SEC16A: variants seen among roughly 807,000 people sequenced by gnomAD.
SEC16A encodes protein transport protein Sec16A.
A neutral mutation model predicts 221.9 loss-of-function variants in SEC16A; 110 were observed. That is an observed-to-expected ratio of 0.50 (90% CI 0.42 to 0.58). The LOEUF (loss-of-function observed/expected upper bound fraction) is 0.58, where lower values mean the gene tolerates loss of function less well. Among genes scored for constraint, SEC16A ranks in the 20% least tolerant of loss-of-function variants. SEC16A has a pLI of 0.00. For missense variants in SEC16A, 3,165 were observed against 3,097.8 expected (o/e 1.02, Z -0.52); for synonymous variants, 1,393 against 1,257.7 (o/e 1.11, Z -2.28).
chr9:136,450,459 G>A (rs369588646), intron 23 of SEC16A, among the ~76,000 whole-genome samples: 20 of 151,574 alleles, frequency 1.3e-4, no homozygotes, highest in Non-Finnish European at 1.5e-5. Flanking sequence ...CTGGGCAATA[G>A]TGAGACCCCA....
chr9:136,479,359 AT>A (rs36126121), intron 1 of SEC16A, among the ~76,000 whole-genome samples: 87 of 147,870 alleles, frequency 5.9e-4, no homozygotes, highest in African/African-American at 8.6e-4. Flanking sequence ...TAATCCACAC[AT>A]TTTTTTTTTT....
At chr9:136,451,474 G>A in intron 22 of SEC16A, 66 bp from the exon 23 acceptor site, 1 of 1,481,048 alleles carries the variant, frequency 6.8e-7, no homozygotes, top group Non-Finnish European at 9.0e-7. Context: ...GAGAGAGGGG[G>A]ATGCAATTCC....
rs772487813 is a variant in SEC16A at position 136,455,802 on chromosome 9, G to A, written c.5665-9C>T. On this transcript the variant is annotated splice_polypyrimidine_tract_variant and intron_variant, in intron 19 of 31. Transcript: ENST00000684901. Reference sequence around the variant, plus strand: ...CATACTCCAGCCCCCTCCTGAGGGAGAACAAGACCTGCCCTGTGGAAGCCG... The same window carrying A: ...CATACTCCAGCCCCCTCCTGAGGGAAAACAAGACCTGCCCTGTGGAAGCCG... 1.9e-6 allele frequency: 3 copies of A among 1,588,724 alleles called. No homozygotes were observed. Among genetic ancestry groups the A allele is most frequent in the South Asian group, 2.3e-5 (2 of 87,142 alleles).
At chr9:136,450,922 G>A (rs1367252080) in intron 23 of SEC16A, among the ~76,000 whole-genome samples, 2 of 152,222 alleles carry the variant, frequency 1.3e-5, no homozygotes, top group Non-Finnish European at 2.9e-5. Flanking sequence ...ACGGCTGGGA[G>A]AAAGGATCTG....
At position 136,447,148 on chromosome 9, in the gene SEC16A, A is replaced by T. The variant is rs144265669; in HGVS notation, c.6697+79T>A. The T allele has an allele frequency of 2.0e-6, 3 of 1,535,494 alleles. No homozygotes were observed. The highest frequency in any genetic ancestry group is 4.8e-5 in the East Asian group (2 of 41,284). On this transcript the variant is annotated intron_variant, in intron 27 of 31. Transcript: ENST00000684901. The surrounding 1 kb of genome is among the most constrained non-coding windows in gnomAD (Gnocchi z 5.5). ...AGGTCATTCTTTTAACGGGAGATTT[A>T]GGAGAGACTCATAGAAAGAGGATCA...
At position 136,453,433 on chromosome 9, in the gene SEC16A, T is replaced by G. The variant is rs1838152602; in HGVS notation, c.6154A>C (p.Asn2052His). 2 of 1,612,532 alleles carry G rather than the reference T, an allele frequency of 1.2e-6. No homozygotes were observed. Among genetic ancestry groups the G allele is most frequent in the Non-Finnish European group, 1.7e-6 (2 of 1,178,666 alleles). Residue 2052 changes from asparagine (N) to histidine (H), a missense_variant, in exon 22 of 32, where the codon AAT becomes CAT. Physicochemically the swap from Asn to His is moderately conservative, Grantham distance 68 (BLOSUM62 1). Coordinates refer to ENST00000684901, the MANE Select transcript of SEC16A (RefSeq NM_014866.2). ...SEENFDGKFA[N>H]LTPSRTVPDS... ...AAGAAAATGTGACAAAGTACCAGATTAGCAAATTTTCCATCAAAATTTTCT... is the reference window on the plus strand; with the variant it reads ...AAGAAAATGTGACAAAGTACCAGATGAGCAAATTTTCCATCAAAATTTTCT...
chr9:136,472,994 C>G (rs1381316125), intron 3 of SEC16A, among the ~76,000 whole-genome samples: 1 of 152,246 alleles, frequency 6.6e-6, no homozygotes, highest in Non-Finnish European at 1.5e-5. Flanking sequence ...CCCAGCAGAG[C>G]TGAATGTCCT....
At chr9:136,453,025 G>A (rs1446990596) in intron 22 of SEC16A, among the ~76,000 whole-genome samples, 1 of 144,322 alleles carries the variant, frequency 6.9e-6, no homozygotes, top group South Asian at 2.2e-4. Flanking sequence ...AGCCGAGATC[G>A]CACCACTGCA....
chr9:136,483,432 G>GC (rs1167127533), upstream of SEC16A: 1 of 179,600 alleles, frequency 5.6e-6, no homozygotes, highest in Non-Finnish European at 6.9e-6. Context: ...TGTCGTTCCC[G>GC]CCCCTTTGGC....
chr9:136,484,682 G>C, upstream of SEC16A: 1 of 1,366,474 alleles, frequency 7.3e-7, no homozygotes, highest in Non-Finnish European at 9.8e-7. Context: ...CACGCCAGCA[G>C]GGCCGCAGGC....
Position 136,459,234 on chromosome 9 carries a change from G to C in SEC16A, c.5309C>G (p.Pro1770Arg), listed in dbSNP as rs776911748. 3 of 1,613,422 alleles carry C rather than the reference G, an allele frequency of 1.9e-6. No homozygotes were observed. The South Asian group carries it at 3.3e-5, about 18-fold the overall frequency. ...TTCGTTGGTTGCGAACTTTAAGAAT[G>C]GCAAACTGTAGAGGAAGTGAATTAT... The part of the protein sequence containing the change: ...LVLIGSNHSL[P>R]FLKFATNEAI... The change falls in exon 17 of 32, where the codon CCA (proline) becomes CGA (arginine). Residue 1770 changes from proline (P) to arginine (R), a missense_variant. Pro to Arg is a moderately radical substitution (Grantham distance 103). This residue lies in a region of SEC16A where 1,088 missense variants were observed against 1,089.6 expected (regional missense o/e 1.00). Coordinates refer to ENST00000684901, the MANE Select transcript of SEC16A (RefSeq NM_014866.2). The surrounding 1 kb of genome is among the most constrained non-coding windows in gnomAD (Gnocchi z 6.1).
intron 31 of SEC16A, 58 bp from the exon 32 acceptor site, chr9:136,441,881 C>A: frequency 6.8e-7 from 1 of 1,470,926 alleles, no homozygotes; most frequent in Non-Finnish European, 9.5e-7. Flanking sequence ...GAGCAGTGCT[C>A]GGCTGCAGCG....
Position 136,454,215 on chromosome 9 carries a change from C to T in SEC16A, c.5970G>A (p.Gly1990=). 1.3e-6 allele frequency: 2 copies of T among 1,567,430 alleles called. No homozygotes were observed. The highest frequency in any genetic ancestry group is 1.7e-6 in the Non-Finnish European group (2 of 1,156,090). ...LEPGPGCVTP[G]PALGFLEPSG... is the part of the protein sequence containing the mutation. ...AGGGCTCCAGGAAGCCAAGTGCAGG[C>T]CCTGGGGTCACACAGCCAGGACCCG... is the stretch of plus-strand genomic sequence containing the variant. The change falls in exon 21 of 32, where the codon GGG becomes GGA. Residue 1990 remains glycine (G), a synonymous_variant. Transcript: ENST00000684901.
At chr9:136,444,084 G>A in intron 30 of SEC16A, 184 bp from the exon 31 acceptor site, 1 of 518,712 alleles carries the variant, frequency 1.9e-6, no homozygotes, top group Non-Finnish European at 3.4e-6. Context: ...GAAAAATGGT[G>A]AAAATCAAAG....
At chr9:136,471,472 TA>T (rs1305960122) in intron 4 of SEC16A, among the ~76,000 whole-genome samples, 1 of 151,720 alleles carries the variant, frequency 6.6e-6, no homozygotes, top group Non-Finnish European at 1.5e-5. Context: ...AGACCTGCCT[TA>T]AAAGAAAAAA....
chr9:136,455,385 C>T (rs1186179970), intron 20 of SEC16A, among the ~76,000 whole-genome samples: 1 of 152,144 alleles, frequency 6.6e-6, no homozygotes, highest in African/African-American at 2.4e-5. Context: ...ACATGGAAAG[C>T]CATGAGCCTC....
intron 29 of SEC16A, 30 bp from the exon 30 acceptor site, chr9:136,445,141 A>G (rs1836788230): frequency 6.3e-7 from 1 of 1,583,186 alleles, no homozygotes; most frequent in African/African-American, 1.3e-5. Flanking sequence ...CACATAAAAC[A>G]CGGACGAAAG....
In SEC16A at chr9:136,455,792, T is replaced by G; in HGVS notation, c.5666A>C (p.Glu1889Ala). ...HLQQVERQIK[E>A]GAGVWHQDGA... Reference sequence around the variant, plus strand: ...ATCCTGATGCCATACTCCAGCCCCCTCCTGAGGGAGAACAAGACCTGCCCT... The same window carrying G: ...ATCCTGATGCCATACTCCAGCCCCCGCCTGAGGGAGAACAAGACCTGCCCT... Residue 1889 changes from glutamate to alanine, a missense_variant and splice_region_variant, in exon 20 of 32, where the codon GAG (glutamate) becomes GCG (alanine). Coordinates refer to ENST00000684901, the MANE Select transcript of SEC16A (RefSeq NM_014866.2). 6.3e-7 allele frequency: 1 copy of G among 1,594,502 alleles called. No individual in the cohort carries two copies. Among genetic ancestry groups the G allele is most frequent in the Non-Finnish European group, 8.5e-7 (1 of 1,170,802 alleles).
rs544159345 is a variant in SEC16A, at chr9:136,478,790, T to C, written c.-151A>G. On this transcript the variant is annotated 5_prime_UTR_variant, in exon 2 of 32. Transcript: ENST00000684901. ...TCGAGGCTGCAGTGAGCTATGATTA[T>C]ACCACCGCGGTCCAGCCTGGGCAAC... is the stretch of plus-strand genomic sequence containing the variant. Among the ~76,000 whole-genome samples the C allele has an allele frequency of 6.6e-6, 1 of 151,974 alleles. No homozygotes were observed. The highest frequency in any genetic ancestry group is 1.5e-5 in the Non-Finnish European group (1 of 67,994).
Sources: gnomAD v4.1 joint callset for allele counts (sites outside exome capture counted in the v4.1 genomes callset) on GRCh38, gnomAD v4.1.1 for gene constraint, gnomAD v4.1.1 regional missense constraint, Gnocchi (gnomAD v3.1) non-coding constraint, MANE v1.5 for transcripts, NCBI Gene and HGNC (gene_info 2026-07-23, HGNC 2026-07-21) for gene names.